The following EVI5 variants were observed in gnomAD, a reference collection of about 807,000 sequenced individuals.
EVI5 encodes the protein ecotropic viral integration site 5, also known as ecotropic viral integration site 5 protein homolog.
Under a neutral mutation model 112.0 loss-of-function variants are expected in EVI5, and 73 were observed. That is an observed-to-expected ratio of 0.65 (90% confidence interval 0.54 to 0.79). The LOEUF is 0.79. Among genes scored for constraint, EVI5 ranks in the 30% least tolerant of loss-of-function variants. The pLI is 0.00. For synonymous variants in EVI5, 305 were observed against 319.9 expected, an observed-to-expected ratio of 0.95 and a Z score of 0.50; for missense variants, 900 against 968.8, an observed-to-expected ratio of 0.93 and a Z score of 0.94.
rs1278811807 is a variant in EVI5, at chr1:92,512,779, T to G, written c.*877A>C. On this transcript the variant is annotated 3_prime_UTR_variant, in exon 20 of 20. Transcript: ENST00000684568. ...TTATATAGAATAAAGGCTTTGTGTG[T>G]GGGGACTTTCAGTGGCCCACCAATA... is the stretch of plus-strand genomic sequence containing the variant. 4 of 151,860 alleles carry G rather than the reference T, an allele frequency of 2.6e-5. No homozygotes were observed. Among genetic ancestry groups the G allele is most frequent in the African/African-American group, 4.8e-5 (2 of 41,342 alleles). 9.4% of individuals were successfully genotyped at this position (151,860 alleles called of 1,614,324 possible). A position where few individuals can be genotyped will look rare whatever the true frequency, so the allele number is the denominator to read the frequency against.
At chr1:92,521,079 A>C (rs1319152832) in intron 19 of EVI5, among the ~76,000 whole-genome samples, 1 of 151,190 alleles carries the variant, frequency 6.6e-6, no homozygotes, top group Non-Finnish European at 1.5e-5. Flanking sequence ...CTCCCACCAC[A>C]GCCTTCCGAG....
At chr1:92,705,059 T>C (rs2102559808) in intron 2 of EVI5, among the ~76,000 whole-genome samples, 1 of 152,274 alleles carries the variant, frequency 6.6e-6, no homozygotes, top group African/African-American at 2.4e-5. Flanking sequence ...AGTATTTGGG[T>C]AGGCTTCAGG....
intron 10 of EVI5, among the ~76,000 whole-genome samples, chr1:92,669,920 TC>T (rs1390184483): frequency 6.6e-6 from 1 of 152,010 alleles, no homozygotes; most frequent in Non-Finnish European, 1.5e-5. Context: ...CAAATGTTTA[TC>T]TTGTACATTG....
intron 2 of EVI5, among the ~76,000 whole-genome samples, chr1:92,706,824 T>C (rs1211219687): frequency 6.6e-6 from 1 of 152,216 alleles, no homozygotes; most frequent in Admixed American, 6.5e-5. Flanking sequence ...CTTTATCTTA[T>C]AAAATGGTTT....
upstream of EVI5, among the ~76,000 whole-genome samples, chr1:92,788,510 A>T (rs1036871932): frequency 6.6e-6 from 1 of 151,074 alleles, no homozygotes; most frequent in Admixed American, 6.6e-5. Flanking sequence ...ACAAAAAAAA[A>T]ACTAGGCAGG....
chr1:92,662,370 A>C (rs11800848), intron 13 of EVI5, among the ~76,000 whole-genome samples: 29,808 of 152,170 alleles, frequency 0.2, 3,466 homozygotes, highest in Non-Finnish European at 0.26. Context: ...TTGGGATTTA[A>C]AAATTACTGT....
At chr1:92,675,863 G>A (rs1666650683) in intron 10 of EVI5, among the ~76,000 whole-genome samples, 1 of 151,638 alleles carries the variant, frequency 6.6e-6, no homozygotes. Flanking sequence ...AGCTGAGGCA[G>A]GAGAATGGCG....
intron 2 of EVI5, among the ~76,000 whole-genome samples, chr1:92,710,555 C>G (rs897076483): frequency 6.6e-6 from 1 of 152,160 alleles, no homozygotes; most frequent in African/African-American, 2.4e-5. Context: ...CACTTTTATA[C>G]AGTAAATAAT....
At chr1:92,747,729 A>AAC (rs1250853683) in intron 1 of EVI5, among the ~76,000 whole-genome samples, 2 of 147,794 alleles carry the variant, frequency 1.4e-5, no homozygotes, top group African/African-American at 5.0e-5. Context: ...AAAAAAAAAC[A>AAC]AAAAAAAAAA....
intron 1 of EVI5, among the ~76,000 whole-genome samples, chr1:92,770,848 A>C (rs1018709491): frequency 2.5e-4 from 38 of 151,760 alleles, no homozygotes; most frequent in African/African-American, 8.4e-4. Context: ...TGTTTTTTCG[A>C]TCTGCCACCC....
At chr1:92,602,286 A>G (rs188520839) in intron 18 of EVI5, among the ~76,000 whole-genome samples, 2 of 152,360 alleles carry the variant, frequency 1.3e-5, no homozygotes, top group African/African-American at 4.8e-5. Flanking sequence ...AAAGACTTTG[A>G]AAGACATAAG....
chr1:92,533,598 T>A (rs1398295636), intron 19 of EVI5, among the ~76,000 whole-genome samples: 1 of 152,160 alleles, frequency 6.6e-6, no homozygotes, highest in Non-Finnish European at 1.5e-5. Context: ...TCAAGTCAGT[T>A]TCATCCCAGG....
At chr1:92,571,842 A>G (rs1254573469) in intron 18 of EVI5, among the ~76,000 whole-genome samples, 2 of 152,208 alleles carry the variant, frequency 1.3e-5, no homozygotes, top group African/African-American at 2.4e-5. Flanking sequence ...GGTCTAGCTG[A>G]TAACAACAGA....
At chr1:92,555,473 T>C (rs1238225096) in intron 19 of EVI5, among the ~76,000 whole-genome samples, 3 of 152,210 alleles carry the variant, frequency 2.0e-5, no homozygotes, top group Admixed American at 6.5e-5. Flanking sequence ...AATTCTCTTC[T>C]TGAGTACCAC....
intron 1 of EVI5, among the ~76,000 whole-genome samples, chr1:92,747,473 G>A (rs1679446825): frequency 6.6e-6 from 1 of 152,010 alleles, no homozygotes; most frequent in Non-Finnish European, 1.5e-5. Context: ...CAGCACTGTG[G>A]GAGGCCGAGG....
Position 92,589,389 on chromosome 1 carries a change from C to T in EVI5, c.2070+15918G>A, listed in dbSNP as rs544410803. ...AGCCAAGGAAAGGGGTGACAGATGG[C>T]ACGTGGAAAATCAAGTCACTCCCAC... On this transcript the variant is annotated intron_variant, in intron 18 of 19. Transcript: ENST00000684568. Among the ~76,000 whole-genome samples, 200 of 152,242 alleles carry T rather than the reference C, an allele frequency of 1.3e-3. 1 individual carries two copies. The highest frequency in any genetic ancestry group is 4.6e-3 in the African/African-American group (189 of 41,530).
Position 92,736,523 on chromosome 1 carries a change from T to G in EVI5, c.24A>C (p.Pro8=). MASQVAS[P]STSLHTTSSS... is the part of the protein sequence containing the mutation. ...AGGATGTGGTATGTAATGAAGTAGATGGACTTGCCACCTGACTGGCCATCT... is the reference window on the plus strand; with the variant it reads ...AGGATGTGGTATGTAATGAAGTAGAGGGACTTGCCACCTGACTGGCCATCT... Residue 8 remains proline, a synonymous_variant, in exon 2 of 20, where the codon CCA becomes CCC. Transcript: ENST00000684568. 1 of 1,613,944 alleles carries G rather than the reference T, an allele frequency of 6.2e-7. No individual in the cohort carries two copies. The highest frequency in any genetic ancestry group is 8.5e-7 in the Non-Finnish European group (1 of 1,179,826).
At chr1:92,742,267 C>T (rs547141856) in intron 1 of EVI5, among the ~76,000 whole-genome samples, 15 of 152,016 alleles carry the variant, frequency 9.9e-5, no homozygotes, top group African/African-American at 3.4e-4. Flanking sequence ...GCTATATTGC[C>T]CAGGCTGGTC....
rs373310653 is a variant in EVI5, at chr1:92,715,341, G to T, written c.150-10597C>A. Among the ~76,000 whole-genome samples, 7 of 152,152 alleles carry T rather than the reference G, an allele frequency of 4.6e-5. No individual in the cohort carries two copies. In the East Asian group the frequency reaches 5.8e-4, roughly 13 times the overall value. ...ATGATTTTTAAAAATACACACACGC[G>T]ACTCAAAATTTGAACCCAAAAGTTC... On this transcript the variant is annotated intron_variant, in intron 2 of 19. Coordinates refer to ENST00000684568, the MANE Select transcript of EVI5 (RefSeq NM_001350197.2).
Sources: gnomAD v4.1 joint callset for allele counts (sites outside exome capture counted in the v4.1 genomes callset) on GRCh38, gnomAD v4.1.1 for gene constraint, MANE v1.5 for transcripts, NCBI Gene and HGNC (gene_info 2026-07-23, HGNC 2026-07-21) for gene names.